ZDHHC14: variants seen among roughly 807,000 people sequenced by gnomAD.
ZDHHC14 encodes zDHHC palmitoyltransferase 14.
A neutral mutation model predicts 47.7 loss-of-function variants in ZDHHC14; 16 were observed. The observed-to-expected ratio is 0.34, with a 90% CI of 0.23 to 0.51. The LOEUF (loss-of-function observed/expected upper bound fraction) is 0.51. ZDHHC14 is among the 20% of genes least tolerant of loss of function. ZDHHC14 has a pLI of 0.97. For synonymous variants in ZDHHC14, 293 were observed against 278.9 expected, an observed-to-expected ratio of 1.05 and a Z score of -0.50; for missense variants, 515 against 662.5, an observed-to-expected ratio of 0.78 and a Z score of 2.44.
chr6:157,580,666 T>G (rs2217445), intron 2 of ZDHHC14, among the ~76,000 whole-genome samples: 42,254 of 151,794 alleles, frequency 0.28, 7,330 homozygotes, highest in African/African-American at 0.5. Context: ...ATTTTCTAGT[T>G]TGTCTGCATA....
chr6:157,537,303 A>G (rs200551626), intron 1 of ZDHHC14, among the ~76,000 whole-genome samples: 2 of 149,780 alleles, frequency 1.3e-5, no homozygotes, highest in Non-Finnish European at 3.0e-5. Flanking sequence ...ACTGAAAAAA[A>G]TTCCATATAA....
At chr6:157,671,714 A>G (rs1422196258) in intron 8 of ZDHHC14, among the ~76,000 whole-genome samples, 1 of 152,214 alleles carries the variant, frequency 6.6e-6, no homozygotes, top group Non-Finnish European at 1.5e-5. Context: ...GTGGAAGAAT[A>G]GGAAACGTCT....
intron 3 of ZDHHC14, among the ~76,000 whole-genome samples, chr6:157,601,679 G>A (rs759212039): frequency 5.3e-5 from 8 of 152,254 alleles, no homozygotes; most frequent in East Asian, 1.9e-4. Context: ...AACCTAGAAC[G>A]ATGCAAGGAA....
chr6:157,477,497 T>C (rs367710111), intron 1 of ZDHHC14, among the ~76,000 whole-genome samples: 4 of 152,370 alleles, frequency 2.6e-5, no homozygotes, highest in Admixed American at 1.3e-4. Flanking sequence ...TTTTGATTTT[T>C]GAATATATTC....
At chr6:157,522,977 T>TCC (rs1427955646) in intron 1 of ZDHHC14, among the ~76,000 whole-genome samples, 148 of 36,772 alleles carry the variant, frequency 4.0e-3, no homozygotes, top group African/African-American at 0.026. Context: ...TTTCTTTTCT[T>TCC]TTCTTTTTCT....
intron 5 of ZDHHC14, among the ~76,000 whole-genome samples, chr6:157,643,026 T>C (rs2114976375): frequency 6.6e-6 from 1 of 152,366 alleles, no homozygotes; most frequent in Non-Finnish European, 1.5e-5. Flanking sequence ...GGCATTCAAG[T>C]CCTAGCTCTG....
chr6:157,476,299 A>T (rs1351467687), intron 1 of ZDHHC14, among the ~76,000 whole-genome samples: 1 of 152,222 alleles, frequency 6.6e-6, no homozygotes, highest in Non-Finnish European at 1.5e-5. Flanking sequence ...GAGCAATTGG[A>T]TAAACTAGAA....
intron 1 of ZDHHC14, among the ~76,000 whole-genome samples, chr6:157,478,287 G>C (rs192905420): frequency 1.3e-5 from 2 of 152,272 alleles, no homozygotes; most frequent in East Asian, 3.9e-4. Flanking sequence ...ACCTTTGTAA[G>C]TTAGGAAGCA....
At chr6:157,388,696 T>C (rs779332285) in intron 1 of ZDHHC14, among the ~76,000 whole-genome samples, 15 of 152,218 alleles carry the variant, frequency 9.9e-5, no homozygotes, top group Admixed American at 2.6e-4. Context: ...AACTGGATGA[T>C]CTTCTACCTC....
chr6:157,659,600 A>G (rs1176533535), intron 8 of ZDHHC14, among the ~76,000 whole-genome samples: 1 of 152,228 alleles, frequency 6.6e-6, no homozygotes, highest in African/African-American at 2.4e-5. Context: ...AAGCCAGCAC[A>G]TCATGACCAG....
chr6:157,620,326 C>T (rs1049583696), intron 3 of ZDHHC14, among the ~76,000 whole-genome samples: 2 of 152,154 alleles, frequency 1.3e-5, no homozygotes, highest in African/African-American at 4.8e-5. Context: ...ATGAAGGCCT[C>T]ACCCTGATGG....
chr6:157,496,244 G>T (rs1042068030), intron 1 of ZDHHC14, among the ~76,000 whole-genome samples: 8 of 152,060 alleles, frequency 5.3e-5, no homozygotes, highest in Non-Finnish European at 8.8e-5. Context: ...AGTGAAGCAC[G>T]GTGGTCCCAC....
rs1778933666 is a variant in ZDHHC14 at position 157,674,366 on chromosome 6, G to A, written c.*1244G>A. The A allele has an allele frequency of 6.6e-6, 1 of 152,174 alleles. No individual in the cohort carries two copies. The highest frequency in any genetic ancestry group is 1.5e-5 in the Non-Finnish European group (1 of 68,028). 9.4% of individuals were successfully genotyped at this position (152,174 alleles called of 1,614,324 possible). A position where few individuals can be genotyped will look rare whatever the true frequency, so the allele number is the denominator to read the frequency against. ...GAAATCGGCTTACAGTCTAAGCTGA[G>A]ATCATGTAGGTCATCATCCTTCCTA... On this transcript the variant is annotated 3_prime_UTR_variant, in exon 9 of 9. Transcript: ENST00000359775.
intron 1 of ZDHHC14, among the ~76,000 whole-genome samples, chr6:157,440,458 G>A (rs963812308): frequency 6.6e-6 from 1 of 152,098 alleles, no homozygotes; most frequent in Admixed American, 6.5e-5. Flanking sequence ...ATTGCTGGTG[G>A]GAATGTAAAA....
intron 2 of ZDHHC14, among the ~76,000 whole-genome samples, chr6:157,544,191 C>T (rs1781874917): frequency 6.6e-6 from 1 of 152,204 alleles, no homozygotes; most frequent in South Asian, 2.1e-4. Context: ...TGGTTTATGC[C>T]TACAATATAT....
chr6:157,477,080 GCATC>G (rs1365811090), intron 1 of ZDHHC14, among the ~76,000 whole-genome samples: 2 of 152,018 alleles, frequency 1.3e-5, no homozygotes, highest in Non-Finnish European at 2.9e-5. Flanking sequence ...GAAATAACAG[GCATC>G]CAAATAGGAA....
intron 8 of ZDHHC14, among the ~76,000 whole-genome samples, chr6:157,658,265 C>G (rs1778191160): frequency 6.6e-6 from 1 of 152,154 alleles, no homozygotes; most frequent in South Asian, 2.1e-4. Context: ...GCAGGTCACT[C>G]TTGCCTCACT....
chr6:157,574,251 T>C (rs770706506), intron 2 of ZDHHC14, among the ~76,000 whole-genome samples: 81 of 151,980 alleles, frequency 5.3e-4, no homozygotes, highest in Admixed American at 7.9e-4. Context: ...GGCAAAATCC[T>C]ATCTCTACTA....
At chr6:157,547,033 GA>G (rs1781998233) in intron 2 of ZDHHC14, among the ~76,000 whole-genome samples, 1 of 152,212 alleles carries the variant, frequency 6.6e-6, no homozygotes, top group Non-Finnish European at 1.5e-5. Context: ...GGTAAGGGTG[GA>G]ACCAGATCAA....
Sources: gnomAD v4.1 joint callset for allele counts (sites outside exome capture counted in the v4.1 genomes callset) on GRCh38, gnomAD v4.1.1 for gene constraint, MANE v1.5 for transcripts, NCBI Gene and HGNC (gene_info 2026-07-23, HGNC 2026-07-21) for gene names.